KIAA0825: variants seen among roughly 807,000 people sequenced by gnomAD.
The protein encoded by KIAA0825 is uncharacterized protein KIAA0825.
KIAA0825 carries 119 observed loss-of-function variants against 147.6 expected under a neutral mutation model. That is an observed-to-expected ratio of 0.81 (90% CI 0.69 to 0.94). The LOEUF is 0.94. Ranked by LOEUF, KIAA0825 falls within the 40% of genes least tolerant of loss-of-function variation. KIAA0825 has a pLI of 0.00. For missense variants in KIAA0825, 1,381 were observed against 1,472.7 expected (o/e 0.94, Z 1.02); for synonymous variants, 470 against 518.1 (o/e 0.91, Z 1.26).
intron 2 of KIAA0825, among the ~76,000 whole-genome samples, chr5:94,574,061 C>T (rs920597461): frequency 1.3e-5 from 2 of 152,092 alleles, no homozygotes; most frequent in Non-Finnish European, 2.9e-5. Context: ...CAGCAGGGAG[C>T]TCCCTATGGG....
At chr5:94,574,992 T>C (rs1561339415) in intron 2 of KIAA0825, among the ~76,000 whole-genome samples, 1 of 152,158 alleles carries the variant, frequency 6.6e-6, no homozygotes, top group Non-Finnish European at 1.5e-5. Flanking sequence ...CTGGGGGCCC[T>C]TGTAATTAAA....
chr5:94,182,175 C>G (rs1286368048), intron 20 of KIAA0825, among the ~76,000 whole-genome samples: 1 of 148,668 alleles, frequency 6.7e-6, no homozygotes, highest in Non-Finnish European at 1.5e-5. Flanking sequence ...CACCCTTCAG[C>G]TGTTCATACC....
intron 20 of KIAA0825, among the ~76,000 whole-genome samples, chr5:94,360,961 G>A (rs1009498250): frequency 1.3e-5 from 2 of 152,142 alleles, no homozygotes; most frequent in Non-Finnish European, 2.9e-5. Flanking sequence ...TCCAGTAACA[G>A]TGTGAATCAA....
intron 20 of KIAA0825, among the ~76,000 whole-genome samples, chr5:94,279,447 G>A (rs1777363441): frequency 6.6e-6 from 1 of 152,034 alleles, no homozygotes; most frequent in Admixed American, 6.6e-5. Flanking sequence ...TAAGAGGAGT[G>A]TTTAAATGGA....
At chr5:94,484,659 G>A (rs1210377896) in intron 6 of KIAA0825, 110 bp downstream of exon 6, 1 of 678,556 alleles carries the variant, frequency 1.5e-6, no homozygotes, top group South Asian at 3.0e-5. Flanking sequence ...CTTATTTAAA[G>A]AATTCTTTCA....
intron 20 of KIAA0825, among the ~76,000 whole-genome samples, chr5:94,328,697 AAATACCATTC>A (rs1780954515): frequency 6.6e-6 from 1 of 152,066 alleles, no homozygotes; most frequent in African/African-American, 2.4e-5. Flanking sequence ...GCATTTAGTC[AAATACCATTC>A]TCCTTTGCTT....
intron 3 of KIAA0825, among the ~76,000 whole-genome samples, chr5:94,531,234 C>T (rs1228206991): frequency 2.0e-5 from 3 of 152,162 alleles, no homozygotes; most frequent in Non-Finnish European, 2.9e-5. Flanking sequence ...TCATCTCAGC[C>T]TCCTAAAGCA....
chr5:94,426,051 T>TATTATTATA (rs1384552241), intron 14 of KIAA0825, among the ~76,000 whole-genome samples: 2 of 150,664 alleles, frequency 1.3e-5, no homozygotes, highest in African/African-American at 4.9e-5. Context: ...TTATTATTAT[T>TATTATTATA]ATAGAGAGAA....
intron 20 of KIAA0825, among the ~76,000 whole-genome samples, chr5:94,283,809 C>G (rs752243549): frequency 1.3e-5 from 2 of 152,074 alleles, no homozygotes; most frequent in African/African-American, 2.4e-5. Context: ...TTTTTGATGT[C>G]TAAGCACTTG....
intron 5 of KIAA0825, among the ~76,000 whole-genome samples, chr5:94,504,746 C>CTTTTTTTTT (rs564291886): frequency 8.1e-6 from 1 of 122,980 alleles, no homozygotes; most frequent in Non-Finnish European, 1.7e-5. Context: ...TTTTTCTTTT[C>CTTTTTTTTT]TTTTTTTTTT....
intron 2 of KIAA0825, chr5:94,569,640 G>A (rs1779505145): frequency 1.1e-5 from 4 of 358,978 alleles, no homozygotes; most frequent in East Asian, 4.2e-5. Context: ...TGAAACCTCG[G>A]CTCACTTCTT....
intron 18 of KIAA0825, 70 bp from the exon 19 acceptor site, chr5:94,386,474 A>G: frequency 1.6e-6 from 2 of 1,271,694 alleles, no homozygotes; most frequent in African/African-American, 1.5e-5. Context: ...AAACTGATCA[A>G]TATCCAAATT....
At chr5:94,347,200 C>G (rs1283864548) in intron 20 of KIAA0825, among the ~76,000 whole-genome samples, 1 of 152,196 alleles carries the variant, frequency 6.6e-6, no homozygotes, top group African/African-American at 2.4e-5. Flanking sequence ...GCCCTGCCCC[C>G]ACATGATGGT....
At chr5:94,340,640 T>C (rs1782275383) in intron 20 of KIAA0825, among the ~76,000 whole-genome samples, 2 of 152,176 alleles carry the variant, frequency 1.3e-5, no homozygotes, top group African/African-American at 4.8e-5. Flanking sequence ...CAGTGAAATA[T>C]AATACATTAA....
intron 5 of KIAA0825, among the ~76,000 whole-genome samples, chr5:94,485,425 T>C (rs1235732544): frequency 2.6e-5 from 4 of 151,806 alleles, no homozygotes; most frequent in Non-Finnish European, 5.9e-5. Flanking sequence ...GATTTTCATA[T>C]AAAAGACATA....
chr5:94,455,198 CA>C (rs1177228074), intron 12 of KIAA0825, among the ~76,000 whole-genome samples: 6 of 150,898 alleles, frequency 4.0e-5, no homozygotes, highest in East Asian at 3.9e-4. Context: ...AACCCCCCGC[CA>C]AAAAAAAGGA....
At chr5:94,551,109 TAAC>T (rs1348705141) in intron 2 of KIAA0825, among the ~76,000 whole-genome samples, 5 of 151,134 alleles carry the variant, frequency 3.3e-5, no homozygotes, top group Non-Finnish European at 7.4e-5. Context: ...CATAAAGCTT[TAAC>T]AACACACTAG....
chr5:94,523,792 T>C (rs534899876), intron 4 of KIAA0825, 138 bp downstream of exon 4: 10 of 491,864 alleles, frequency 2.0e-5, no homozygotes, highest in African/African-American at 1.6e-4. Context: ...GTTGGGGATA[T>C]AGGAACATAA....
Position 94,152,986 on chromosome 5 carries a change from A to G in KIAA0825, c.*1021T>C, listed in dbSNP as rs1410704133. 1.4e-5 allele frequency: 2 copies of G among 141,784 alleles called. No individual in the cohort carries two copies. Among genetic ancestry groups the G allele is most frequent in the Non-Finnish European group, 3.0e-5 (2 of 65,802 alleles). 8.8% of individuals were successfully genotyped at this position (141,784 alleles called of 1,614,324 possible). On this transcript the variant is annotated 3_prime_UTR_variant, in exon 21 of 21. Transcript: ENST00000682413. ...TCTTTCATTGGCAGCTATTTAATCA[A>G]TTGTGTTCGTTAACTGTCCACTTGA...
Sources: allele counts gnomAD v4.1 joint callset (sites outside exome capture counted in the v4.1 genomes callset), GRCh38; gene constraint gnomAD v4.1.1; transcripts MANE v1.5; gene names NCBI Gene and HGNC (gene_info 2026-07-23, HGNC 2026-07-21).